The following AMZ1 variants were observed in gnomAD, a reference collection of about 807,000 sequenced individuals.
The protein encoded by AMZ1 is archaemetzincin-1.
AMZ1 carries 39 observed loss-of-function variants against 29.9 expected under a neutral mutation model. That is an observed-to-expected ratio of 1.30 (90% CI 1.01 to 1.70). The LOEUF (loss-of-function observed/expected upper bound fraction) is 1.70, where lower values mean the gene tolerates loss of function less well. Among genes scored for constraint, AMZ1 ranks in the 40% most tolerant of loss-of-function variants. AMZ1 has a pLI of 0.00. For missense variants in AMZ1, 1,041 were observed against 680.6 expected (o/e 1.53, Z -5.89); for synonymous variants, 458 against 304.0 (o/e 1.51, Z -5.27).
chr7:2,712,197 A>C (rs1562375530), intron 6 of AMZ1, 133 bp from the exon 7 acceptor site: 2 of 968,838 alleles, frequency 2.1e-6, no homozygotes, highest in East Asian at 2.8e-5. Context: ...GAGCCCTCAC[A>C]CCACCAGCCT....
At chr7:2,696,012 GGAAAA>G (rs1417167034) in intron 1 of AMZ1, among the ~76,000 whole-genome samples, 7 of 140,004 alleles carry the variant, frequency 5.0e-5, no homozygotes, top group Non-Finnish European at 9.2e-5. Context: ...GTCTTGGGGG[GGAAAA>G]AAAAAAAAAA....
At chr7:2,708,737 C>A (rs913911676) in intron 4 of AMZ1, 21 bp downstream of exon 4, 2 of 1,611,598 alleles carry the variant, frequency 1.2e-6, no homozygotes, top group African/African-American at 2.7e-5. Context: ...GCCCCAGCAG[C>A]TGTGCGTGGG....
intron 2 of AMZ1, 144 bp downstream of exon 2, chr7:2,700,899 A>G: frequency 8.4e-7 from 1 of 1,188,632 alleles, no homozygotes; most frequent in Middle Eastern, 2.9e-4. Flanking sequence ...GGGTGGAGGC[A>G]GGGAGGTCCT....
chr7:2,763,620 G>A (rs1791679048), upstream of AMZ1, among the ~76,000 whole-genome samples: 1 of 152,230 alleles, frequency 6.6e-6, no homozygotes, highest in Admixed American at 6.5e-5. Context: ...TATGCAGAAA[G>A]AGCTGCAGTG....
At position 2,712,483 on chromosome 7, in the gene AMZ1, C is replaced by G; in HGVS notation, c.1102C>G (p.Leu368Val). ...GCCCGGCACCAGTGTGTCGGAGCCC[C>G]TCACCCCTGATGCCGGGAGTCACAC... ...SEPGTSVSEP[L>V]TPDAGSHTFA... Residue 368 changes from leucine to valine, a missense_variant, in exon 7 of 7, where the codon CTC becomes GTC. Transcript: ENST00000683327. The G allele has an allele frequency of 6.2e-7, 1 of 1,610,608 alleles. No homozygotes were observed. Among genetic ancestry groups the G allele is most frequent in the Non-Finnish European group, 8.5e-7 (1 of 1,179,286 alleles).
intron 4 of AMZ1, among the ~76,000 whole-genome samples, chr7:2,746,269 G>T (rs1364910708): frequency 6.6e-6 from 1 of 152,130 alleles, no homozygotes. Context: ...CTTGATAGTT[G>T]GAAGTAAAGC....
At chr7:2,690,208 TGAGA>T (rs140749105) in intron 1 of AMZ1, among the ~76,000 whole-genome samples, 28 of 151,052 alleles carry the variant, frequency 1.9e-4, no homozygotes, top group Admixed American at 2.6e-4. Context: ...TGTGTGTGTG[TGAGA>T]GAGAGAGAGA....
rs1032311668 is a variant in AMZ1 at position 2,715,043 on chromosome 7, G to T, written c.*2165G>T. 6.6e-6 allele frequency: 1 copy of T among 152,126 alleles called. No individual in the cohort carries two copies. The allele number at this position is 152,126 out of a possible 1,614,324, so 9.4% of individuals were successfully genotyped here. ...CTGTGCCAGAATAAAGAGGGGAGAC[G>T]AAAAAAAGAGGGTCACTTTCAGAAA... On this transcript the variant is annotated 3_prime_UTR_variant, in exon 7 of 7. Transcript: ENST00000683327.
At chr7:2,698,666 C>T (rs770122804) in intron 1 of AMZ1, among the ~76,000 whole-genome samples, 4 of 152,006 alleles carry the variant, frequency 2.6e-5, no homozygotes, top group Non-Finnish European at 4.4e-5. Flanking sequence ...GTGAGACCCC[C>T]GTCTCTACAA....
chr7:2,697,863 A>G (rs1225135742), intron 1 of AMZ1, among the ~76,000 whole-genome samples: 1 of 152,246 alleles, frequency 6.6e-6, no homozygotes, highest in African/African-American at 2.4e-5. Flanking sequence ...AGAAAGCTCC[A>G]GGCTGGCAGT....
chr7:2,711,403 C>A (rs1213118514), intron 6 of AMZ1, among the ~76,000 whole-genome samples: 2 of 152,204 alleles, frequency 1.3e-5, no homozygotes, highest in African/African-American at 4.8e-5. Flanking sequence ...TAAACAGTCT[C>A]ACGATGGCTG....
rs1351261779 is a variant in AMZ1, at chr7:2,700,669, C to T, written c.218C>T (p.Ala73Val). The part of the protein sequence containing the change: ...GFDWLLSRPE[A>V]PEDFQTFHAS... ...GACTGGCTCCTGAGCCGACCCGAGG[C>T]TCCCGAGGACTTCCAGACCTTCCAC... The change falls in exon 2 of 7, where the codon GCT (alanine) becomes GTT (valine). Residue 73 changes from alanine to valine, a missense_variant. By Grantham distance (64) the Ala-to-Val change is moderately conservative. Transcript: ENST00000683327. The T allele has an allele frequency of 1.2e-6, 2 of 1,612,684 alleles. No homozygotes were observed. The highest frequency in any genetic ancestry group is 1.7e-6 in the Non-Finnish European group (2 of 1,180,020).
upstream of AMZ1, among the ~76,000 whole-genome samples, chr7:2,685,858 A>G (rs79662181): frequency 1.5e-4 from 21 of 142,196 alleles, no homozygotes; most frequent in African/African-American, 5.6e-4. Context: ...GTCTCAAGAA[A>G]AAAAAAAAAA....
At chr7:2,740,277 A>G (rs1252543648) in intron 4 of AMZ1, among the ~76,000 whole-genome samples, 1 of 152,144 alleles carries the variant, frequency 6.6e-6, no homozygotes, top group Non-Finnish European at 1.5e-5. Context: ...TGGAAGCCCT[A>G]CCTGCAGTGT....
At chr7:2,707,519 TG>T (rs1788431659) in intron 3 of AMZ1, among the ~76,000 whole-genome samples, 1 of 152,088 alleles carries the variant, frequency 6.6e-6, no homozygotes, top group South Asian at 2.1e-4. Context: ...GTTCAGCCCC[TG>T]GGCCTCTCCT....
At chr7:2,682,328 G>A (rs537077637) in intron 1 of AMZ1, among the ~76,000 whole-genome samples, 12 of 152,264 alleles carry the variant, frequency 7.9e-5, no homozygotes, top group Non-Finnish European at 1.6e-4. Flanking sequence ...TCAGGGTCTC[G>A]TGTCCAGCAT....
chr7:2,736,790 C>T (rs1225618318), intron 4 of AMZ1, among the ~76,000 whole-genome samples: 3 of 152,382 alleles, frequency 2.0e-5, no homozygotes, highest in East Asian at 3.9e-4. Context: ...CAGGCAGGCA[C>T]TGCAGCAGCC....
upstream of AMZ1, among the ~76,000 whole-genome samples, chr7:2,683,447 G>T (rs1786957948): frequency 1.3e-5 from 2 of 148,710 alleles, no homozygotes; most frequent in East Asian, 3.9e-4. Context: ...TTTTGTTTTT[G>T]TTTTTTTTGA....
intron 4 of AMZ1, among the ~76,000 whole-genome samples, chr7:2,734,903 G>A (rs1409061176): frequency 6.6e-6 from 1 of 152,140 alleles, no homozygotes; most frequent in African/African-American, 2.4e-5. Context: ...GGAGTGCCAG[G>A]GTGAACGTAC....
Sources: gnomAD v4.1 joint callset for allele counts (sites outside exome capture counted in the v4.1 genomes callset) on GRCh38, gnomAD v4.1.1 for gene constraint, MANE v1.5 for transcripts, NCBI Gene and HGNC (gene_info 2026-07-23, HGNC 2026-07-21) for gene names.